PRRT1B: variants seen among roughly 807,000 people sequenced by gnomAD.
PRRT1B encodes the protein dispanin subfamily D member 2.
intron 1 of PRRT1B, among the ~76,000 whole-genome samples, chr9:131,550,537 C>T (rs1031813588): frequency 2.0e-5 from 3 of 152,224 alleles, no homozygotes; most frequent in Admixed American, 2.0e-4. Flanking sequence ...TGCTCTCTCC[C>T]TGCTGATCGT....
At chr9:131,549,378 A>C (rs12340921) in intron 1 of PRRT1B, among the ~76,000 whole-genome samples, 9,479 of 152,206 alleles carry the variant, frequency 0.062, 843 homozygotes, top group African/African-American at 0.2. Flanking sequence ...AAATCTGGCC[A>C]CTGGGCCGAG....
Position 131,551,471 on chromosome 9 carries a change from C to A in PRRT1B, c.26-3086C>A, listed in dbSNP as rs1469302103. On this transcript the variant is annotated intron_variant, in intron 1 of 3. Coordinates refer to ENST00000636672, the Ensembl canonical transcript of PRRT1B. This position sits in a 1 kb window ranked among gnomAD's most constrained non-coding sequence, Gnocchi z 4.4. ...TACCACCCCCAAAAAATTTTCGCTG[C>A]CCCAACACTTCAACATTATTTTGTT... is the stretch of plus-strand genomic sequence containing the variant. Among the ~76,000 whole-genome samples, 1 of 152,106 alleles carries A rather than the reference C, an allele frequency of 6.6e-6. No individual in the cohort carries two copies. Among genetic ancestry groups the A allele is most frequent in the African/African-American group, 2.4e-5 (1 of 41,396 alleles).
At chr9:131,552,949 G>T (rs1052121945) in intron 1 of PRRT1B, among the ~76,000 whole-genome samples, 1 of 150,964 alleles carries the variant, frequency 6.6e-6, no homozygotes, top group Admixed American at 6.7e-5. Context: ...GCCTCCCAAA[G>T]TGCTGGGATT....
At chr9:131,557,660 G>A (rs1951059221) in intron 3 of PRRT1B, among the ~76,000 whole-genome samples, 1 of 152,250 alleles carries the variant, frequency 6.6e-6, no homozygotes, top group Admixed American at 6.5e-5. Context: ...GCAGCTCTCA[G>A]GACAACTCAG....
intron 1 of PRRT1B, among the ~76,000 whole-genome samples, chr9:131,554,310 G>T (rs548028718): frequency 8.5e-5 from 13 of 152,216 alleles, no homozygotes; most frequent in Non-Finnish European, 1.3e-4. Flanking sequence ...CCAAGGAAAG[G>T]GGGTGGGACA....
chr9:131,545,617 T>C (rs1277361737), exon 1 of PRRT1B: 4 of 390,662 alleles, frequency 1.0e-5, no homozygotes, highest in Non-Finnish European at 1.3e-5. Context: ...GCTCGGACCA[T>C]GGAGGCAGGA....
At chr9:131,550,546 G>A (rs144650280) in intron 1 of PRRT1B, among the ~76,000 whole-genome samples, 84 of 152,270 alleles carry the variant, frequency 5.5e-4, no homozygotes, top group African/African-American at 1.9e-3. Flanking sequence ...CCTGCTGATC[G>A]TGTGCAGCTA....
chr9:131,553,619 C>G (rs1400365431), intron 1 of PRRT1B, among the ~76,000 whole-genome samples: 12 of 152,192 alleles, frequency 7.9e-5, no homozygotes, highest in Admixed American at 7.9e-4. Flanking sequence ...TCCTCCCACC[C>G]CCACTGAGAT....
downstream of PRRT1B, among the ~76,000 whole-genome samples, chr9:131,559,019 G>A (rs1216086044): frequency 6.6e-6 from 1 of 152,194 alleles, no homozygotes; most frequent in Non-Finnish European, 1.5e-5. Context: ...CGCCCTGACT[G>A]GGGAGCACTT....
At chr9:131,553,461 A>G (rs879863960) in intron 1 of PRRT1B, among the ~76,000 whole-genome samples, 2 of 152,204 alleles carry the variant, frequency 1.3e-5, no homozygotes, top group Non-Finnish European at 2.9e-5. Context: ...ACAGCGTGGC[A>G]GGTGTATGGG....
intron 1 of PRRT1B, 79 bp downstream of exon 1, chr9:131,545,719 C>A (rs1342646037): frequency 5.0e-6 from 2 of 400,618 alleles, no homozygotes; most frequent in East Asian, 3.6e-5. Flanking sequence ...GAGGCAGGTA[C>A]TGGAGGGGCA....
intron 1 of PRRT1B, among the ~76,000 whole-genome samples, chr9:131,548,953 T>G (rs1950992765): frequency 6.6e-6 from 1 of 152,128 alleles, no homozygotes; most frequent in Non-Finnish European, 1.5e-5. Flanking sequence ...CTCTCCCAAA[T>G]CAGTTAGTGT....
chr9:131,545,856 G>A (rs566484570), intron 1 of PRRT1B, among the ~76,000 whole-genome samples: 2 of 152,152 alleles, frequency 1.3e-5, no homozygotes, highest in South Asian at 4.1e-4. Context: ...GTGCTGGAGG[G>A]GGTTTAGCGG....
chr9:131,548,189 C>A (rs1950987967), intron 1 of PRRT1B, among the ~76,000 whole-genome samples: 1 of 152,092 alleles, frequency 6.6e-6, no homozygotes, highest in Non-Finnish European at 1.5e-5. Flanking sequence ...CTTCTCTCCA[C>A]TTTCCTGGGG....
Position 131,550,773 on chromosome 9 carries a change from G to A in PRRT1B, c.26-3784G>A, listed in dbSNP as rs548346300. Among the ~76,000 whole-genome samples the A allele has an allele frequency of 5.7e-4, 87 of 152,116 alleles. 1 individual carries two copies. Among genetic ancestry groups the A allele is most frequent in the South Asian group, 1.7e-3 (8 of 4,810 alleles). On this transcript the variant is annotated intron_variant, in intron 1 of 3. Coordinates refer to ENST00000636672, the Ensembl canonical transcript of PRRT1B. Reference sequence around the variant, plus strand: ...AGAGGCCCTCAGAATAACAAACTATGCTCAACTCCCTCTCTAATCTTTTCT... The same window carrying A: ...AGAGGCCCTCAGAATAACAAACTATACTCAACTCCCTCTCTAATCTTTTCT...
chr9:131,550,939 C>T (rs11243424), intron 1 of PRRT1B, among the ~76,000 whole-genome samples: 4,223 of 76,154 alleles, frequency 0.055, 56 homozygotes, highest in Non-Finnish European at 0.072. Context: ...TTTTCTTTTT[C>T]TTTTTTTTTT....
At chr9:131,550,729 C>T (rs1279349406) in intron 1 of PRRT1B, among the ~76,000 whole-genome samples, 2 of 152,128 alleles carry the variant, frequency 1.3e-5, no homozygotes, top group Non-Finnish European at 2.9e-5. Context: ...GCAGCAGCTG[C>T]CGCTGCTTTA....
In PRRT1B at chr9:131,551,508, A is replaced by G. The variant is rs1278731201; in HGVS notation, c.26-3049A>G. Among the ~76,000 whole-genome samples, 1 of 152,092 alleles carries G rather than the reference A, an allele frequency of 6.6e-6. No homozygotes were observed. The highest frequency in any genetic ancestry group is 6.6e-5 in the Admixed American group (1 of 15,254). On this transcript the variant is annotated intron_variant, in intron 1 of 3. Transcript: ENST00000636672. The surrounding 1 kb of genome is among the most constrained non-coding windows in gnomAD (Gnocchi z 4.4). Reference sequence around the variant, plus strand: ...AACATTATTTTGTTTTATTTTTCTAATTAATATAAGAAGACAGGAATGTCA... The same window carrying G: ...AACATTATTTTGTTTTATTTTTCTAGTTAATATAAGAAGACAGGAATGTCA...
At chr9:131,545,793 A>C (rs922726618) in intron 1 of PRRT1B, among the ~76,000 whole-genome samples, 153 bp downstream of exon 1, 1 of 90,352 alleles carries the variant, frequency 1.1e-5, no homozygotes, top group African/African-American at 4.5e-5. Context: ...AGGGGGTGTA[A>C]GGGGTAGATA....
Sources: gnomAD v4.1 joint callset for allele counts (sites outside exome capture counted in the v4.1 genomes callset) on GRCh38, gnomAD v4.1.1 for gene constraint, Gnocchi (gnomAD v3.1) non-coding constraint, MANE v1.5 for transcripts, NCBI Gene and HGNC (gene_info 2026-07-23, HGNC 2026-07-21) for gene names.